The following PDE6A variants were observed in gnomAD, a reference collection of about 807,000 sequenced individuals.
The protein encoded by PDE6A is rod cGMP-specific 3',5'-cyclic phosphodiesterase subunit alpha.
In PDE6A, 84 loss-of-function variants were observed where a neutral mutation model predicts 106.3. That is an observed-to-expected ratio of 0.79 (90% CI 0.66 to 0.95). The LOEUF is 0.95. PDE6A is among the 40% of genes least tolerant of loss of function. The pLI is 0.00. For synonymous variants in PDE6A, 394 were observed against 386.6 expected, an observed-to-expected ratio of 1.02 and a Z score of -0.23; for missense variants, 1,052 against 1,084.9, an observed-to-expected ratio of 0.97 and a Z score of 0.43.
chr5:149,865,655 C>T (rs1760304749), intron 20 of PDE6A, among the ~76,000 whole-genome samples: 1 of 152,206 alleles, frequency 6.6e-6, no homozygotes, highest in African/African-American at 2.4e-5. Context: ...TCCAGTGACA[C>T]TGGCCCTGTC....
At chr5:149,893,111 C>T (rs542066111) in intron 13 of PDE6A, among the ~76,000 whole-genome samples, 190 of 152,256 alleles carry the variant, frequency 1.2e-3, no homozygotes, top group Non-Finnish European at 1.8e-3. Flanking sequence ...TTAAAGAAGC[C>T]CTTTGTGACC....
intron 5 of PDE6A, among the ~76,000 whole-genome samples, chr5:149,916,172 C>T (rs992953691): frequency 1.3e-5 from 2 of 152,192 alleles, no homozygotes; most frequent in African/African-American, 4.8e-5. Context: ...TCTACCTTCT[C>T]TTTTTTCTTT....
At chr5:149,928,225 A>ATTTTTTTTTTTTTTT (rs1753921949) in intron 4 of PDE6A, among the ~76,000 whole-genome samples, 1 of 28,068 alleles carries the variant, frequency 3.6e-5, no homozygotes, top group Non-Finnish European at 6.4e-5. Flanking sequence ...ATATATATAT[A>ATTTTTTTTTTTTTTT]TATATATTTT....
At chr5:149,873,002 C>T (rs1039731316) in intron 17 of PDE6A, among the ~76,000 whole-genome samples, 6 of 152,106 alleles carry the variant, frequency 3.9e-5, no homozygotes, top group African/African-American at 7.2e-5. Context: ...AGGGCCAGCT[C>T]GTCCATTCAA....
intron 1 of PDE6A, among the ~76,000 whole-genome samples, chr5:149,942,447 T>C (rs1561793717): frequency 6.6e-6 from 1 of 152,036 alleles, no homozygotes; most frequent in Non-Finnish European, 1.5e-5. Flanking sequence ...GAAGTCACCA[T>C]ATTGATGCTG....
chr5:149,885,862 A>G (rs542975672), intron 14 of PDE6A, among the ~76,000 whole-genome samples: 31 of 152,314 alleles, frequency 2.0e-4, no homozygotes, highest in African/African-American at 6.7e-4. Context: ...GGCCACCTGC[A>G]TTCCTTGCTT....
chr5:149,900,156 C>A (rs1292034795), intron 8 of PDE6A, among the ~76,000 whole-genome samples: 1 of 151,668 alleles, frequency 6.6e-6, no homozygotes, highest in Non-Finnish European at 1.5e-5. Flanking sequence ...GAGTTTGAGA[C>A]CAGCCTGAAG....
intron 4 of PDE6A, among the ~76,000 whole-genome samples, chr5:149,928,231 A>ATATATATATATATATATATATT: frequency 5.1e-5 from 1 of 19,754 alleles, no homozygotes; most frequent in African/African-American, 4.8e-4. Context: ...ATATATATAT[A>ATATATATATATATATATATATT]TTTTTTTTTT....
At chr5:149,868,020 A>T (rs1005083015) in intron 18 of PDE6A, 75 bp downstream of exon 18, 2 of 1,422,430 alleles carry the variant, frequency 1.4e-6, no homozygotes, top group African/African-American at 2.8e-5. Context: ...AGCTGGGCTG[A>T]GAGAGTCCAA....
chr5:149,934,795 C>T lies in PDE6A; in HGVS notation c.475-77G>A, dbSNP rs148488796. Reference sequence around the variant, plus strand: ...TGGAACGGCCCAAAGCCCCTGTTGACAAGGGAATAAAGGTGCTTCCATCTA... The same window carrying T: ...TGGAACGGCCCAAAGCCCCTGTTGATAAGGGAATAAAGGTGCTTCCATCTA... On this transcript the variant is annotated intron_variant, in intron 1 of 21. Transcript: ENST00000255266. The T allele has an allele frequency of 2.0e-3, 2,937 of 1,440,386 alleles. 24 individuals carry two copies. Among genetic ancestry groups the T allele is most frequent in the South Asian group, 0.015 (1,278 of 86,816 alleles). The allele number at this position is 1,440,386 out of a possible 1,614,324, so 89.2% of individuals were successfully genotyped here.
In PDE6A at chr5:149,858,785, T is replaced by C. The variant is rs759816; in HGVS notation, c.*2110A>G. 0.58 allele frequency: 84,782 copies of C among 145,368 alleles called. 25,012 individuals are homozygous for C. The highest frequency in any genetic ancestry group is 0.65 in the African/African-American group (25,212 of 39,014). 9.0% of individuals were successfully genotyped at this position (145,368 alleles called of 1,614,324 possible). On this transcript the variant is annotated 3_prime_UTR_variant, in exon 22 of 22. Transcript: ENST00000255266. ...CAGAGTGAGACCTCGTCATGAAAGA[T>C]AGAGAAAGAGAGAAATTCTATCTGC...
At chr5:149,875,654 G>A (rs1760713971) in intron 17 of PDE6A, among the ~76,000 whole-genome samples, 1 of 151,720 alleles carries the variant, frequency 6.6e-6, no homozygotes, top group Admixed American at 6.6e-5. Flanking sequence ...CACACCCAGG[G>A]AAATTTTTAT....
intron 4 of PDE6A, among the ~76,000 whole-genome samples, chr5:149,927,804 C>T (rs919759): frequency 0.26 from 39,501 of 151,386 alleles, 6,616 homozygotes; most frequent in African/African-American, 0.46. Context: ...ATATCTTTAT[C>T]CTACAAGCTT....
chr5:149,904,593 G>A (rs371414020), intron 7 of PDE6A, among the ~76,000 whole-genome samples: 8 of 152,024 alleles, frequency 5.3e-5, no homozygotes, highest in African/African-American at 1.4e-4. Flanking sequence ...CTTGAGAAAC[G>A]GTGCCTTCTA....
In PDE6A at chr5:149,936,158, AAAGGAAGGAAGG is replaced by A. The variant is rs151028032; in HGVS notation, c.475-1452_475-1441del. Among the ~76,000 whole-genome samples the A allele has an allele frequency of 1.9e-3, 248 of 130,724 alleles. 4 individuals carry two copies. In the South Asian group the frequency reaches 0.02, roughly 10 times the overall value. 85.8% of individuals were successfully genotyped at this position (130,724 alleles called of 152,430 possible). A position where few individuals can be genotyped will look rare whatever the true frequency, so the allele number is the denominator to read the frequency against. ...GACAGAGCAAGACCCTGTCTCTAAA[AAAGGAAGGAAGG>A]AAGGAAGGAAGGAAGGAAGGAAGGA... On this transcript the variant is annotated intron_variant, in intron 1 of 21. Coordinates refer to ENST00000255266, the MANE Select transcript of PDE6A (RefSeq NM_000440.3).
chr5:149,890,148 G>C (rs890905164), intron 13 of PDE6A, among the ~76,000 whole-genome samples: 3 of 151,782 alleles, frequency 2.0e-5, no homozygotes, highest in African/African-American at 7.2e-5. Flanking sequence ...GTAGAGATGG[G>C]GTTTCACCAT....
Position 149,942,125 on chromosome 5 carries a change from C to A in PDE6A, c.474+2075G>T, listed in dbSNP as rs910476366. Among the ~76,000 whole-genome samples the A allele has an allele frequency of 4.6e-5, 7 of 152,036 alleles. No homozygotes were observed. The South Asian group carries it at 1.0e-3, about 23-fold the overall frequency. Reference sequence around the variant, plus strand: ...CACAGGTGTGCACCACCACACCCAGCGAGTTTTTTTATTTTTTGTAAAGAC... The same window carrying A: ...CACAGGTGTGCACCACCACACCCAGAGAGTTTTTTTATTTTTTGTAAAGAC... On this transcript the variant is annotated intron_variant, in intron 1 of 21. Transcript: ENST00000255266.
rs1370389691 is a variant in PDE6A at position 149,858,046 on chromosome 5, A to G, written c.*2849T>C. On this transcript the variant is annotated 3_prime_UTR_variant, in exon 22 of 22. Transcript: ENST00000255266. ...AACAGATAAATACAGAATGTGGGAA[A>G]ACTGACTCTGTTTCTGCAAGGTGAT... The G allele has an allele frequency of 6.6e-6, 1 of 152,236 alleles. No individual in the cohort carries two copies. The highest frequency in any genetic ancestry group is 1.5e-5 in the Non-Finnish European group (1 of 68,048). The allele number at this position is 152,236 out of a possible 1,614,324, so 9.4% of individuals were successfully genotyped here.
chr5:149,861,767 A>G (rs112637472), intron 21 of PDE6A, among the ~76,000 whole-genome samples: 4,865 of 152,316 alleles, frequency 0.032, 114 homozygotes, highest in Admixed American at 0.055. Flanking sequence ...TTCTCTAGCT[A>G]TAAGAAAAAA....
Sources: allele counts gnomAD v4.1 joint callset (sites outside exome capture counted in the v4.1 genomes callset), GRCh38; gene constraint gnomAD v4.1.1; transcripts MANE v1.5; gene names NCBI Gene and HGNC (gene_info 2026-07-23, HGNC 2026-07-21).